The following UBE2D2 variants were observed in gnomAD, a reference collection of about 807,000 sequenced individuals.
UBE2D2 encodes the protein ubiquitin-conjugating enzyme E2 D2.
UBE2D2 carries 2 observed loss-of-function variants against 24.2 expected under a neutral mutation model. The ratio of observed to expected loss-of-function variants is 0.08; its 90% CI spans 0.03 to 0.26. The LOEUF (loss-of-function observed/expected upper bound fraction) is 0.26. Ranked by LOEUF, UBE2D2 falls within the 10% of genes least tolerant of loss-of-function variation. UBE2D2 has a pLI of 1.00. For missense variants in UBE2D2, 44 were observed against 177.6 expected (o/e 0.25, Z 4.28); for synonymous variants, 58 against 56.5 (o/e 1.03, Z -0.12).
intron 1 of UBE2D2, among the ~76,000 whole-genome samples, chr5:139,554,642 T>C (rs1041041147): frequency 1.3e-5 from 2 of 152,218 alleles, no homozygotes; most frequent in African/African-American, 4.8e-5. Context: ...AATATTTGTG[T>C]ACAACTCTTT....
At chr5:139,552,675 A>AT (rs35039276) in intron 1 of UBE2D2, among the ~76,000 whole-genome samples, 1,214 of 59,290 alleles carry the variant, frequency 0.02, 13 homozygotes, top group Middle Eastern at 0.042. Flanking sequence ...CGCTTGGCTA[A>AT]TTTTTTTTTT....
chr5:139,538,294 T>G (rs937397678), intron 1 of UBE2D2, among the ~76,000 whole-genome samples: 2 of 152,110 alleles, frequency 1.3e-5, no homozygotes, highest in African/African-American at 2.4e-5. Flanking sequence ...TGGCATGACA[T>G]AGTCTTGACA....
At chr5:139,607,564 G>T (rs1754225966) in intron 2 of UBE2D2, among the ~76,000 whole-genome samples, 1 of 152,158 alleles carries the variant, frequency 6.6e-6, no homozygotes, top group African/African-American at 2.4e-5. Flanking sequence ...TTATTAGAAT[G>T]TGAATAGGTT....
chr5:139,532,154 C>T (rs1269555301), intron 1 of UBE2D2, among the ~76,000 whole-genome samples: 3 of 151,160 alleles, frequency 2.0e-5, no homozygotes, highest in Non-Finnish European at 4.4e-5. Context: ...AGCAATATTA[C>T]ATCTAGGAAT....
At chr5:139,596,676 G>A (rs1298344220) in intron 1 of UBE2D2, among the ~76,000 whole-genome samples, 1 of 151,874 alleles carries the variant, frequency 6.6e-6, no homozygotes, top group Non-Finnish European at 1.5e-5. Flanking sequence ...TGAGGCGGAA[G>A]GATCGCTTGA....
upstream of UBE2D2, among the ~76,000 whole-genome samples, chr5:139,556,647 C>T (rs1293470503): frequency 1.3e-5 from 2 of 152,080 alleles, no homozygotes; most frequent in Non-Finnish European, 2.9e-5. Context: ...ATGGATGCTA[C>T]AGATAGTATT....
intron 1 of UBE2D2, among the ~76,000 whole-genome samples, chr5:139,566,758 G>A (rs1399703548): frequency 6.6e-6 from 1 of 152,104 alleles, no homozygotes; most frequent in East Asian, 1.9e-4. Flanking sequence ...GAGAACTTGA[G>A]GGAGCTAGAA....
At chr5:139,539,860 G>A (rs1380924153) in intron 1 of UBE2D2, among the ~76,000 whole-genome samples, 5 of 152,088 alleles carry the variant, frequency 3.3e-5, no homozygotes, top group Non-Finnish European at 5.9e-5. Flanking sequence ...GCTTCCCAAA[G>A]TGCTGGGATT....
At chr5:139,618,154 A>G (rs1381479813) in intron 5 of UBE2D2, among the ~76,000 whole-genome samples, 1 of 151,972 alleles carries the variant, frequency 6.6e-6, no homozygotes, top group Non-Finnish European at 1.5e-5. Flanking sequence ...TTGTATTTTT[A>G]GTAGAGACGG....
At chr5:139,580,115 CAG>C (rs1753563270) in intron 1 of UBE2D2, among the ~76,000 whole-genome samples, 2 of 151,216 alleles carry the variant, frequency 1.3e-5, no homozygotes, top group Admixed American at 1.3e-4. Flanking sequence ...TTTTTTGAGA[CAG>C]AGTCTCACTC....
intron 2 of UBE2D2, among the ~76,000 whole-genome samples, chr5:139,611,656 A>T (rs1036145363): frequency 6.6e-6 from 1 of 152,232 alleles, no homozygotes; most frequent in Admixed American, 6.5e-5. Flanking sequence ...CAATGATATA[A>T]CTAGTGACAA....
chr5:139,574,296 A>G (rs921380525), intron 1 of UBE2D2, among the ~76,000 whole-genome samples: 7 of 151,056 alleles, frequency 4.6e-5, no homozygotes, highest in Admixed American at 6.6e-5. Flanking sequence ...AAAAAAAAAA[A>G]GTAAAATTTA....
chr5:139,618,538 T>C (rs1479109041), intron 5 of UBE2D2, among the ~76,000 whole-genome samples: 1 of 152,144 alleles, frequency 6.6e-6, no homozygotes, highest in East Asian at 1.9e-4. Context: ...CAAATAGCAA[T>C]AGAGATGTAA....
At chr5:139,533,543 G>C (rs369692976) in intron 1 of UBE2D2, among the ~76,000 whole-genome samples, 25 of 151,842 alleles carry the variant, frequency 1.6e-4, no homozygotes, top group East Asian at 9.9e-4. Context: ...CCAGCTACTC[G>C]GGAGGCTGAG....
In UBE2D2 at chr5:139,539,660, C is replaced by T. The variant is rs1346834945; in HGVS notation, c.-64+13048C>T. Among the ~76,000 whole-genome samples the T allele has an allele frequency of 2.0e-5, 3 of 152,218 alleles. No homozygotes were observed. In the East Asian group the frequency reaches 5.8e-4, roughly 29 times the overall value. ...AGGCGGGAGTGCAGTGGCTCGATCT[C>T]GGCTGACTGCAACCTCTGCCTCCCG... On this transcript the variant is annotated intron_variant, in intron 1 of 6. Coordinates refer to the UBE2D2 transcript ENST00000511725.
At chr5:139,530,102 C>A (rs543314072) in intron 1 of UBE2D2, among the ~76,000 whole-genome samples, 1 of 152,178 alleles carries the variant, frequency 6.6e-6, no homozygotes, top group Admixed American at 6.5e-5. Flanking sequence ...TTGTCTTAGG[C>A]AAAAGCTGTA....
chr5:139,603,398 G>A (rs969218447), intron 2 of UBE2D2, among the ~76,000 whole-genome samples: 2 of 152,120 alleles, frequency 1.3e-5, no homozygotes, highest in South Asian at 2.1e-4. Flanking sequence ...TGTAATCCTA[G>A]CACTTTGGGA....
chr5:139,598,631 G>A (rs1241861484), intron 1 of UBE2D2, among the ~76,000 whole-genome samples: 1 of 146,468 alleles, frequency 6.8e-6, no homozygotes, highest in African/African-American at 2.6e-5. Context: ...CATGATCTCG[G>A]CTCACTGCAA....
In UBE2D2 at chr5:139,628,369, T is replaced by G. The variant is rs1195627504; in HGVS notation, c.*1568T>G. The G allele has an allele frequency of 1.3e-5, 2 of 152,680 alleles. No homozygotes were observed. Among genetic ancestry groups the G allele is most frequent in the Non-Finnish European group, 2.9e-5 (2 of 68,046 alleles). 9.5% of individuals were successfully genotyped at this position (152,680 alleles called of 1,614,324 possible). On this transcript the variant is annotated 3_prime_UTR_variant, in exon 7 of 7. Coordinates refer to ENST00000398733, the MANE Select transcript of UBE2D2 (RefSeq NM_003339.3). ...CTGATGCTCTAGCCATCAGGTTCTT[T>G]CAAATGCATCTTTACACTCTTGCAC...
Sources: allele counts gnomAD v4.1 joint callset (sites outside exome capture counted in the v4.1 genomes callset), GRCh38; gene constraint gnomAD v4.1.1; transcripts MANE v1.5; gene names NCBI Gene and HGNC (gene_info 2026-07-23, HGNC 2026-07-21).